Variants in SCRN1 observed in about 807,000 individuals in gnomAD.
SCRN1 encodes secernin 1.
In SCRN1, 19 loss-of-function variants were observed where a neutral mutation model predicts 43.3. That is an observed-to-expected ratio of 0.44 (90% CI 0.31 to 0.64). SCRN1 has a LOEUF of 0.64. Ranked by LOEUF, SCRN1 falls within the 30% of genes least tolerant of loss-of-function variation. The pLI is 0.09. For missense variants in SCRN1, 447 were observed against 524.1 expected (o/e 0.85, Z 1.44); for synonymous variants, 183 against 188.9 (o/e 0.97, Z 0.26).
intron 6 of SCRN1, 70 bp downstream of exon 6, chr7:29,936,486 A>C: frequency 7.3e-7 from 1 of 1,375,232 alleles, no homozygotes; most frequent in Non-Finnish European, 9.8e-7. Flanking sequence ...GGCGCTTACT[A>C]CGCACTTGCT....
intron 3 of SCRN1, among the ~76,000 whole-genome samples, chr7:29,949,310 G>A (rs1169757298): frequency 3.8e-5 from 5 of 129,918 alleles, no homozygotes; most frequent in African/African-American, 1.2e-4. Context: ...GCAAGACTCC[G>A]TCTAAAAAAA....
chr7:29,963,009 C>T (rs762400420), intron 2 of SCRN1, among the ~76,000 whole-genome samples: 21 of 151,452 alleles, frequency 1.4e-4, no homozygotes, highest in Non-Finnish European at 2.7e-4. Context: ...GGAACTGAGA[C>T]CCGGAGTCAC....
At chr7:29,980,566 G>A (rs368146698) in intron 1 of SCRN1, among the ~76,000 whole-genome samples, 77 of 152,246 alleles carry the variant, frequency 5.1e-4, no homozygotes, top group East Asian at 2.3e-3. Context: ...TAAAATGGTC[G>A]TTAGCCATTT....
At chr7:29,949,007 A>G (rs1183021615) in intron 3 of SCRN1, among the ~76,000 whole-genome samples, 1 of 152,178 alleles carries the variant, frequency 6.6e-6, no homozygotes, top group Non-Finnish European at 1.5e-5. Context: ...CATGTCTGAC[A>G]GACCTTGGAT....
intron 2 of SCRN1, among the ~76,000 whole-genome samples, chr7:29,957,815 G>A (rs895546977): frequency 2.0e-5 from 3 of 152,180 alleles, no homozygotes; most frequent in African/African-American, 7.2e-5. Context: ...CTTAAGAGAG[G>A]AAGGGGCATG....
At position 29,922,853 on chromosome 7, in the gene SCRN1, C is replaced by G. The variant is rs1786813565; in HGVS notation, c.*1104G>C. Reference sequence around the variant, plus strand: ...CTTCCCAATGCTAAGCCCATCTGGTCTTCCTTGCATGCTTTTCTATGCTCT... The same window carrying G: ...CTTCCCAATGCTAAGCCCATCTGGTGTTCCTTGCATGCTTTTCTATGCTCT... On this transcript the variant is annotated 3_prime_UTR_variant, in exon 8 of 8. Transcript: ENST00000242059. 1 of 152,274 alleles carries G rather than the reference C, an allele frequency of 6.6e-6. No individual in the cohort carries two copies. The highest frequency in any genetic ancestry group is 2.4e-5 in the African/African-American group (1 of 41,446). 9.4% of individuals were successfully genotyped at this position (152,274 alleles called of 1,614,324 possible).
intron 7 of SCRN1, among the ~76,000 whole-genome samples, chr7:29,925,252 T>C (rs1231840162): frequency 6.6e-6 from 1 of 152,224 alleles, no homozygotes; most frequent in Non-Finnish European, 1.5e-5. Flanking sequence ...TGGTCACTTC[T>C]ATGGAAGAGA....
chr7:29,989,418 G>A (rs1031367021), intron 1 of SCRN1, among the ~76,000 whole-genome samples: 1 of 152,078 alleles, frequency 6.6e-6, no homozygotes, highest in African/African-American at 2.4e-5. Flanking sequence ...CGCAGTCCCC[G>A]AGCCGAGTCA....
intron 7 of SCRN1, 31 bp from the exon 8 acceptor site, chr7:29,924,146 A>G (rs777136534): frequency 6.3e-7 from 1 of 1,590,398 alleles, no homozygotes; most frequent in South Asian, 1.1e-5. Context: ...TTTAGGTGTC[A>G]GCAAAATAGC....
At chr7:29,987,128 TC>T (rs896366756) in intron 1 of SCRN1, among the ~76,000 whole-genome samples, 9 of 152,154 alleles carry the variant, frequency 5.9e-5, no homozygotes, top group Non-Finnish European at 1.0e-4. Context: ...CAAGACATTC[TC>T]CCTGTTCCCT....
intron 1 of SCRN1, among the ~76,000 whole-genome samples, chr7:29,981,614 C>G (rs1320249172): frequency 2.0e-5 from 3 of 152,162 alleles, no homozygotes; most frequent in Non-Finnish European, 4.4e-5. Context: ...TTGGGAGGCC[C>G]CAGGCTCTCT....
At chr7:29,949,380 C>CTT (rs796277151) in intron 3 of SCRN1, among the ~76,000 whole-genome samples, 19 of 135,616 alleles carry the variant, frequency 1.4e-4, no homozygotes, top group African/African-American at 3.5e-4. Flanking sequence ...TTCCTTCACT[C>CTT]TTTTTTTTTT....
intron 2 of SCRN1, among the ~76,000 whole-genome samples, chr7:29,957,249 T>C (rs1788164951): frequency 6.6e-6 from 1 of 152,210 alleles, no homozygotes; most frequent in Admixed American, 6.5e-5. Context: ...AGAAAATCAG[T>C]GAGGAGGCCC....
intron 1 of SCRN1, among the ~76,000 whole-genome samples, chr7:29,987,802 C>G (rs546934583): frequency 2.0e-5 from 3 of 152,192 alleles, no homozygotes; most frequent in African/African-American, 4.8e-5. Context: ...GATTTGGGTT[C>G]TCACTGCCAG....
intron 4 of SCRN1, among the ~76,000 whole-genome samples, chr7:29,941,308 C>T (rs955427352): frequency 3.3e-5 from 5 of 152,214 alleles, no homozygotes; most frequent in Non-Finnish European, 5.9e-5. Context: ...AATGCTCTAT[C>T]GCATCTATAG....
At chr7:29,932,739 G>A (rs948902235) in intron 6 of SCRN1, among the ~76,000 whole-genome samples, 12 of 151,190 alleles carry the variant, frequency 7.9e-5, no homozygotes, top group African/African-American at 2.4e-4. Flanking sequence ...TACAAATAAG[G>A]AGGTGGGGTA....
intron 3 of SCRN1, among the ~76,000 whole-genome samples, chr7:29,949,522 C>T (rs1293152244): frequency 1.3e-5 from 2 of 151,476 alleles, no homozygotes; most frequent in Admixed American, 6.6e-5. Flanking sequence ...GGACCACAGG[C>T]GTGGGCCACT....
chr7:29,934,902 T>C (rs1326863808), intron 6 of SCRN1, among the ~76,000 whole-genome samples: 2 of 152,234 alleles, frequency 1.3e-5, no homozygotes, highest in Non-Finnish European at 2.9e-5. Flanking sequence ...TACAGGAGGA[T>C]GCACGGCTCT....
rs1193651690 is a variant in SCRN1, at chr7:29,922,049, CTT to C, written c.*1906_*1907del. ...TCCTCGAACCTCACTTTCCCCCCCC[CTT>C]AACAGTGATAGAAAGACACTTTTAG... On this transcript the variant is annotated 3_prime_UTR_variant, in exon 8 of 8. Coordinates refer to ENST00000242059, the MANE Select transcript of SCRN1 (RefSeq NM_014766.5). 4 of 152,120 alleles carry C rather than the reference CTT, an allele frequency of 2.6e-5. No homozygotes were observed. Among genetic ancestry groups the C allele is most frequent in the African/African-American group, 9.7e-5 (4 of 41,416 alleles). The allele number at this position is 152,120 out of a possible 1,614,324, so 9.4% of individuals were successfully genotyped here. A position where few individuals can be genotyped will look rare whatever the true frequency, so the allele number is the denominator to read the frequency against.
Sources: allele counts gnomAD v4.1 joint callset (sites outside exome capture counted in the v4.1 genomes callset), GRCh38; gene constraint gnomAD v4.1.1; transcripts MANE v1.5; gene names NCBI Gene and HGNC (gene_info 2026-07-23, HGNC 2026-07-21).